The following ZFYVE26 variants were observed in gnomAD, a reference collection of about 807,000 sequenced individuals.
ZFYVE26 encodes zinc finger FYVE-type containing 26.
In ZFYVE26, 181 loss-of-function variants were observed where a neutral mutation model predicts 276.5. That is an observed-to-expected ratio of 0.65 (90% CI 0.58 to 0.74). ZFYVE26 has a LOEUF of 0.74. ZFYVE26 is among the 30% of genes least tolerant of loss of function. The pLI is 0.00. For missense variants in ZFYVE26, 2,821 were observed against 3,097.9 expected (o/e 0.91, Z 2.12); for synonymous variants, 1,129 against 1,203.1 (o/e 0.94, Z 1.27).
rs954144084 is a variant in ZFYVE26 at position 67,735,198 on chromosome 14, C to T, written n.2680-5379G>A. On this transcript the variant is annotated intron_variant and non_coding_transcript_variant, in intron 13 of 14. Coordinates refer to the ZFYVE26 transcript ENST00000394455. The stretch of plus-strand genomic sequence containing the variant: ...CACAGTCGTTCCCCTTGTTCAGATT[C>T]CAGACTCCATCATTTCTCGTGGTGT... 5 of 1,434,044 alleles carry T rather than the reference C, an allele frequency of 3.5e-6. No homozygotes were observed. The African/African-American group carries it at 5.6e-5, about 16-fold the overall frequency. 88.8% of individuals were successfully genotyped at this position (1,434,044 alleles called of 1,614,324 possible). A position where few individuals can be genotyped will look rare whatever the true frequency, so the allele number is the denominator to read the frequency against.
chr14:67,806,118 G>T (rs1249698774), intron 6 of ZFYVE26, among the ~76,000 whole-genome samples: 2 of 152,236 alleles, frequency 1.3e-5, no homozygotes, highest in Non-Finnish European at 2.9e-5. Flanking sequence ...ACTGACTTCT[G>T]TTGTAACTCC....
intron 18 of ZFYVE26, among the ~76,000 whole-genome samples, 173 bp downstream of exon 18, chr14:67,785,685 G>T (rs186055115): frequency 1.1e-4 from 17 of 152,248 alleles, no homozygotes; most frequent in African/African-American, 3.4e-4. Context: ...TTGAGAGGTG[G>T]GAAAACAGGT....
Position 67,798,436 on chromosome 14 carries a change from C to A in ZFYVE26, c.1826G>T (p.Ser609Ile), listed in dbSNP as rs1242047540. 16 of 1,613,896 alleles carry A rather than the reference C, an allele frequency of 9.9e-6. No individual in the cohort carries two copies. Among genetic ancestry groups the A allele is most frequent in the Non-Finnish European group, 1.2e-5 (14 of 1,179,912 alleles). The change falls in exon 11 of 42, where the codon AGC (serine) becomes ATC (isoleucine). Residue 609 changes from serine (S) to isoleucine (I), a missense_variant. By Grantham distance (142) the Ser-to-Ile change is moderately radical. Transcript: ENST00000347230. ...TGATGGGGACCTCAAACCTGAGGGG[C>A]TCTTCCCCTCAATGTCATCATCCTC... ...YAEDDDIEGK[S>I]PSGLRSPSES...
At chr14:67,761,180 G>T (rs3742882) in intron 35 of ZFYVE26, 186 bp downstream of exon 35, 16,791 of 711,696 alleles carry the variant, frequency 0.024, 421 homozygotes, top group Admixed American at 0.082. Flanking sequence ...TCTAGGCTAA[G>T]ACTTTTCACA....
chr14:67,728,897 G>C (rs1293975710), intron 14 of ZFYVE26, among the ~76,000 whole-genome samples: 1 of 152,124 alleles, frequency 6.6e-6, no homozygotes, highest in Non-Finnish European at 1.5e-5. Context: ...CTCACTACAT[G>C]TTGTCATGTT....
At chr14:67,750,290 C>T (rs2038601707) in intron 41 of ZFYVE26, among the ~76,000 whole-genome samples, 1 of 152,168 alleles carries the variant, frequency 6.6e-6, no homozygotes, top group Admixed American at 6.5e-5. Context: ...CCATTAAGTT[C>T]AGTCCCAGGA....
At chr14:67,778,472 G>T (rs934344330) in intron 23 of ZFYVE26, 1 of 564,896 alleles carries the variant, frequency 1.8e-6, no homozygotes, top group Non-Finnish European at 3.1e-6. Context: ...TCAACCCTGG[G>T]AAGATTCTAA....
chr14:67,754,984 A>G (rs2038740453), intron 37 of ZFYVE26, 67 bp downstream of exon 37: 34 of 1,546,266 alleles, frequency 2.2e-5, no homozygotes, highest in Non-Finnish European at 3.0e-5. Context: ...GAGTAGCTTC[A>G]TCACCTACAG....
In ZFYVE26 at chr14:67,805,638, G is replaced by A; in HGVS notation, c.1018-20C>T. The stretch of plus-strand genomic sequence containing the variant: ...TGTTACCTGTAAGTCAAAGAAAGCT[G>A]TTATAGGCAGCTATGTGGATGAGAC... On this transcript the variant is annotated intron_variant, in intron 6 of 41. Coordinates refer to ENST00000347230, the MANE Select transcript of ZFYVE26 (RefSeq NM_015346.4). The A allele has an allele frequency of 6.2e-7, 1 of 1,612,182 alleles. No homozygotes were observed. Among genetic ancestry groups the A allele is most frequent in the South Asian group, 1.1e-5 (1 of 91,088 alleles).
chr14:67,762,830 GA>G lies in ZFYVE26; in HGVS notation c.6012-12del. The G allele has an allele frequency of 6.2e-7, 1 of 1,613,674 alleles. No individual in the cohort carries two copies. ...ACCTTGCTGATGTAGCTACAAGGAG[GA>G]AAAGGGCAAGGCCATGAGGCTCCCT... On this transcript the variant is annotated splice_polypyrimidine_tract_variant and intron_variant, in intron 32 of 41. Coordinates refer to ENST00000347230, the MANE Select transcript of ZFYVE26 (RefSeq NM_015346.4).
chr14:67,803,098 G>A (rs997035100), intron 9 of ZFYVE26, among the ~76,000 whole-genome samples: 3 of 152,166 alleles, frequency 2.0e-5, no homozygotes, highest in Admixed American at 6.5e-5. Context: ...ATAAGTGCCT[G>A]TAGTCCCAAC....
chr14:67,728,991 G>C (rs889459716), intron 14 of ZFYVE26, among the ~76,000 whole-genome samples: 2 of 152,166 alleles, frequency 1.3e-5, no homozygotes, highest in African/African-American at 4.8e-5. Context: ...GAACATAGAA[G>C]GCTGAGAAGG....
Position 67,805,449 on chromosome 14 carries a change from G to C in ZFYVE26, c.1182+5C>G, listed in dbSNP as rs1258324784. 1 of 1,614,206 alleles carries C rather than the reference G, an allele frequency of 6.2e-7. No individual in the cohort carries two copies. The highest frequency in any genetic ancestry group is 1.7e-5 in the Admixed American group (1 of 60,032). ...GAGCAGCCTGGGATGCTGAGTGAGAGTTACCTGGGTCCTGTGCAGGGTCTG... is the reference window on the plus strand; with the variant it reads ...GAGCAGCCTGGGATGCTGAGTGAGACTTACCTGGGTCCTGTGCAGGGTCTG... On this transcript the variant is annotated splice_donor_5th_base_variant and intron_variant, in intron 7 of 41. Coordinates refer to ENST00000347230, the MANE Select transcript of ZFYVE26 (RefSeq NM_015346.4).
intron 9 of ZFYVE26, among the ~76,000 whole-genome samples, chr14:67,803,034 ATACAAT>A (rs2040109233): frequency 6.6e-6 from 1 of 152,230 alleles, no homozygotes; most frequent in Non-Finnish European, 1.5e-5. Flanking sequence ...CCCAAAATAG[ATACAAT>A]TACTATTAGT....
chr14:67,729,862 C>A (rs1308826560), intron 13 of ZFYVE26: 2 of 455,286 alleles, frequency 4.4e-6, no homozygotes, highest in Non-Finnish European at 8.8e-6. Flanking sequence ...TGAATCTTAT[C>A]ATGAACTCAA....
At chr14:67,732,126 CA>C (rs71129854) in intron 13 of ZFYVE26, among the ~76,000 whole-genome samples, 11,093 of 77,066 alleles carry the variant, frequency 0.14, 446 homozygotes, top group East Asian at 0.38. Context: ...GACTCTGTCT[CA>C]AAAAAAAAAA....
chr14:67,754,206 C>T lies in ZFYVE26; in HGVS notation c.6993G>A (p.Met2331Ile), dbSNP rs867882700. The change falls in exon 38 of 42, where the codon ATG becomes ATA. Residue 2331 changes from methionine to isoleucine, a missense_variant. Transcript: ENST00000347230. ...CTTCCATCTGCAGCTGAAGTGTGTT[C>T]ATGTGCCTGTGGTGACAGAATATGC... ...KMTAADVSRH[M>I]NTLQLQMEVT... 3.7e-6 allele frequency: 6 copies of T among 1,614,074 alleles called. No individual in the cohort carries two copies. In the African/African-American group the frequency reaches 8.0e-5, roughly 22 times the overall value.
Position 67,798,172 on chromosome 14 carries a change from T to A in ZFYVE26, c.2090A>T (p.Asp697Val). 6.2e-7 allele frequency: 1 copy of A among 1,614,162 alleles called. No individual in the cohort carries two copies. Among genetic ancestry groups the A allele is most frequent in the Non-Finnish European group, 8.5e-7 (1 of 1,180,030 alleles). ...AFLRLLQEQL[D>V]EISSRSPPEK... The stretch of plus-strand genomic sequence containing the variant: ...AGGAGGGCTGCGGCTACTGATCTCA[T>A]CCAGTTGCTCTTGGAGAAGCCTGAG... Residue 697 changes from aspartate to valine, a missense_variant, in exon 11 of 42, where the codon GAT becomes GTT. By Grantham distance (152) the Asp-to-Val change is radical (BLOSUM62 -3). Transcript: ENST00000347230.
chr14:67,744,026 A>G (rs2038451717), downstream of ZFYVE26, among the ~76,000 whole-genome samples: 1 of 152,236 alleles, frequency 6.6e-6, no homozygotes, highest in African/African-American at 2.4e-5. Context: ...CCAGACATCG[A>G]ATGAATTTGT....
Sources: allele counts gnomAD v4.1 joint callset (sites outside exome capture counted in the v4.1 genomes callset), GRCh38; gene constraint gnomAD v4.1.1; transcripts MANE v1.5; gene names NCBI Gene and HGNC (gene_info 2026-07-23, HGNC 2026-07-21).